Variants in LRCH3 observed in about 807,000 individuals in gnomAD.
LRCH3 encodes the protein DISP complex protein LRCH3.
Under a neutral mutation model 104.5 loss-of-function variants are expected in LRCH3, and 68 were observed. The ratio of observed to expected loss-of-function variants is 0.65; its 90% CI spans 0.54 to 0.80. The LOEUF (loss-of-function observed/expected upper bound fraction) is 0.80, where lower values mean the gene tolerates loss of function less well. Ranked by LOEUF, LRCH3 falls within the 30% of genes least tolerant of loss-of-function variation. The probability of loss-of-function intolerance (pLI) is 0.00; values close to 1 mark genes in which losing one functional copy is unlikely to be tolerated. For synonymous variants in LRCH3, 344 were observed against 361.3 expected (o/e 0.95, Z 0.54); for missense variants, 951 against 953.9 (o/e 1.00, Z 0.04).
intron 13 of LRCH3, among the ~76,000 whole-genome samples, chr3:197,853,053 A>G (rs1013992368): frequency 6.6e-6 from 1 of 152,184 alleles, no homozygotes; most frequent in East Asian, 1.9e-4. Context: ...ACAGATTAAC[A>G]GAAAATAAAT....
At position 197,810,269 on chromosome 3, in the gene LRCH3, G is replaced by C. The variant is rs1732974743; in HGVS notation, c.263-4639G>C. Among the ~76,000 whole-genome samples, 2 of 152,232 alleles carry C rather than the reference G, an allele frequency of 1.3e-5. No individual in the cohort carries two copies. Among genetic ancestry groups the C allele is most frequent in the Non-Finnish European group, 2.9e-5 (2 of 68,008 alleles). The stretch of plus-strand genomic sequence containing the variant: ...CCTCCTGGGTTCAAAGGATTCTCCT[G>C]CCTCAGCCTCCTGAGTAGCTGAGAT... On this transcript the variant is annotated intron_variant, in intron 1 of 20. Transcript: ENST00000425562. This position sits in a 1 kb window ranked among gnomAD's most constrained non-coding sequence, Gnocchi z 4.0.
intron 17 of LRCH3, 139 bp downstream of exon 17, chr3:197,866,358 TC>T: frequency 1.6e-6 from 1 of 620,574 alleles, no homozygotes; most frequent in South Asian, 2.0e-5. Context: ...GTCTGTGATC[TC>T]ACTGATACTA....
At chr3:197,880,548 A>G (rs748234098) in intron 20 of LRCH3, 507 of 1,536,242 alleles carry the variant, frequency 3.3e-4, no homozygotes, top group Non-Finnish European at 4.2e-4. Context: ...CCTTCAGCTA[A>G]ACCTCAGCGT....
Position 197,856,961 on chromosome 3 carries a change from G to T in LRCH3, c.1645-1873G>T, listed in dbSNP as rs1425628843. Among the ~76,000 whole-genome samples, 1 of 152,224 alleles carries T rather than the reference G, an allele frequency of 6.6e-6. No individual in the cohort carries two copies. Among genetic ancestry groups the T allele is most frequent in the Non-Finnish European group, 1.5e-5 (1 of 68,046 alleles). Reference sequence around the variant, plus strand: ...TTAAAGACCTTGAAACTTACGATTTGAAATGAAGATTTATAACAGCTAATA... The same window carrying T: ...TTAAAGACCTTGAAACTTACGATTTTAAATGAAGATTTATAACAGCTAATA... On this transcript the variant is annotated intron_variant, in intron 14 of 20. Transcript: ENST00000425562. The surrounding 1 kb of genome is among the most constrained non-coding windows in gnomAD (Gnocchi z 4.2).
At chr3:197,872,544 G>T (rs541872477) in intron 19 of LRCH3, among the ~76,000 whole-genome samples, 1 of 152,000 alleles carries the variant, frequency 6.6e-6, no homozygotes, top group African/African-American at 2.4e-5. Flanking sequence ...CAGCTTGGGT[G>T]ATCTTGTTTC....
At chr3:197,806,370 TCTCAC>T (rs1732485459) in intron 1 of LRCH3, among the ~76,000 whole-genome samples, 1 of 152,116 alleles carries the variant, frequency 6.6e-6, no homozygotes, top group African/African-American at 2.4e-5. Context: ...CAAATGATCC[TCTCAC>T]CTCAGCCTCT....
chr3:197,876,493 A>G (rs1373139774), intron 20 of LRCH3, among the ~76,000 whole-genome samples: 1 of 152,228 alleles, frequency 6.6e-6, no homozygotes, highest in Non-Finnish European at 1.5e-5. Flanking sequence ...TGAACTTGAT[A>G]CAGTCTTATC....
chr3:197,831,355 C>CTACA (rs1735910320), intron 7 of LRCH3: 1 of 151,794 alleles, frequency 6.6e-6, no homozygotes, highest in Non-Finnish European at 1.5e-5. Context: ...CCACAGAGGT[C>CTACA]TACAGAAGAA....
At chr3:197,866,062 A>T in intron 16 of LRCH3, 50 bp from the exon 17 acceptor site, 1 of 1,280,910 alleles carries the variant, frequency 7.8e-7, no homozygotes, top group Non-Finnish European at 1.1e-6. Flanking sequence ...TATGTCTGCT[A>T]TTATATTTTC....
chr3:197,801,800 CTG>C (rs1731929286), intron 1 of LRCH3, among the ~76,000 whole-genome samples: 1 of 152,186 alleles, frequency 6.6e-6, no homozygotes, highest in South Asian at 2.1e-4. Context: ...GGTTAGGAGT[CTG>C]GACTCAGCTG....
chr3:197,829,261 T>C (rs2109269286), intron 5 of LRCH3, among the ~76,000 whole-genome samples: 1 of 152,352 alleles, frequency 6.6e-6, no homozygotes, highest in African/African-American at 2.4e-5. Context: ...TTTAAATCTC[T>C]GACTATGCAA....
intron 8 of LRCH3, 29 bp from the exon 9 acceptor site, chr3:197,835,645 G>A: frequency 6.3e-7 from 1 of 1,585,994 alleles, no homozygotes; most frequent in African/African-American, 1.3e-5. Context: ...GTGTGTGTGT[G>A]TGTGTGGGTG....
chr3:197,839,635 G>A lies in LRCH3; in HGVS notation c.1328+238G>A, dbSNP rs199590332. Among the ~76,000 whole-genome samples the A allele has an allele frequency of 3.3e-5, 5 of 152,254 alleles. No individual in the cohort carries two copies. The East Asian group carries it at 7.7e-4, about 23-fold the overall frequency. Reference sequence around the variant, plus strand: ...TTAATCGATCTGAAGATACTTAGTAGCAATGAGATTTTGTGGTGAAGCTAT... The same window carrying A: ...TTAATCGATCTGAAGATACTTAGTAACAATGAGATTTTGTGGTGAAGCTAT... On this transcript the variant is annotated intron_variant, in intron 10 of 20. Coordinates refer to ENST00000425562, the MANE Select transcript of LRCH3 (RefSeq NM_001365715.1).
Position 197,809,403 on chromosome 3 carries a change from T to C in LRCH3, c.263-5505T>C, listed in dbSNP as rs1202241121. Among the ~76,000 whole-genome samples the C allele has an allele frequency of 3.3e-5, 5 of 152,198 alleles. No homozygotes were observed. In the South Asian group the frequency reaches 1.0e-3, roughly 31 times the overall value. Reference sequence around the variant, plus strand: ...TTATCCTCTTTGGGGTTTGCTCAGCTTCTTGAATCTACAGGTTCATGACTC... The same window carrying C: ...TTATCCTCTTTGGGGTTTGCTCAGCCTCTTGAATCTACAGGTTCATGACTC... On this transcript the variant is annotated intron_variant, in intron 1 of 20. Coordinates refer to ENST00000425562, the MANE Select transcript of LRCH3 (RefSeq NM_001365715.1).
chr3:197,838,964 G>A (rs1311177282), intron 9 of LRCH3, among the ~76,000 whole-genome samples: 2 of 152,084 alleles, frequency 1.3e-5, no homozygotes, highest in Admixed American at 6.5e-5. Context: ...GGGTAGGTGG[G>A]AATTTCTGTC....
intron 20 of LRCH3, chr3:197,882,990 C>T: frequency 1.0e-6 from 1 of 985,450 alleles, no homozygotes; most frequent in Non-Finnish European, 1.2e-6. Context: ...TCAGGATACA[C>T]TGAGTTTCTT....
rs1179294132 is a variant in LRCH3, at chr3:197,871,417, G to A, written c.2085G>A (p.Val695=). The A allele has an allele frequency of 6.2e-7, 1 of 1,613,888 alleles. No homozygotes were observed. Among genetic ancestry groups the A allele is most frequent in the African/African-American group, 1.3e-5 (1 of 74,868 alleles). ...TTCTTTGCCATTTGGCCAATCATGT[G>A]CGACCTCGATCTGTCCCAAGCATTC... ...GVVLCHLANH[V]RPRSVPSIHV... Residue 695 remains valine (V), a synonymous_variant, in exon 19 of 21, where the codon GTG becomes GTA. Transcript: ENST00000425562.
intron 4 of LRCH3, among the ~76,000 whole-genome samples, chr3:197,825,779 G>C (rs1168621439): frequency 6.6e-6 from 1 of 151,836 alleles, no homozygotes; most frequent in South Asian, 2.1e-4. Context: ...GCGCCCAGCT[G>C]ATTTTTCTTA....
At chr3:197,851,371 GA>G (rs1739570790) in intron 12 of LRCH3, among the ~76,000 whole-genome samples, 1 of 152,148 alleles carries the variant, frequency 6.6e-6, no homozygotes. Context: ...AGAGACTTCT[GA>G]AAAACTAATT....
Sources: gnomAD v4.1 joint callset for allele counts (sites outside exome capture counted in the v4.1 genomes callset) on GRCh38, gnomAD v4.1.1 for gene constraint, Gnocchi (gnomAD v3.1) non-coding constraint, MANE v1.5 for transcripts, NCBI Gene and HGNC (gene_info 2026-07-23, HGNC 2026-07-21) for gene names.